Variants in DGKI observed in about 807,000 individuals in gnomAD.
DGKI encodes diacylglycerol kinase iota, also known as DAG kinase iota.
In DGKI, 55 loss-of-function variants were observed where a neutral mutation model predicts 147.5. That is an observed-to-expected ratio of 0.37 (90% CI 0.30 to 0.47). The LOEUF (loss-of-function observed/expected upper bound fraction) is 0.47, where lower values mean the gene tolerates loss of function less well. Among genes scored for constraint, DGKI ranks in the 20% least tolerant of loss-of-function variants. The pLI is 1.00. For synonymous variants in DGKI, 469 were observed against 477.1 expected (o/e 0.98, Z 0.22); for missense variants, 1,007 against 1,323.8 (o/e 0.76, Z 3.71).
At chr7:137,497,780 AG>A (rs1166225888) in intron 21 of DGKI, among the ~76,000 whole-genome samples, 5 of 152,122 alleles carry the variant, frequency 3.3e-5, no homozygotes, top group African/African-American at 9.7e-5. Flanking sequence ...GACACAAAGA[AG>A]GGAACACTAG....
intron 3 of DGKI, among the ~76,000 whole-genome samples, chr7:137,678,141 A>C (rs968724043): frequency 6.6e-6 from 1 of 151,932 alleles, no homozygotes; most frequent in Non-Finnish European, 1.5e-5. Flanking sequence ...CTCTCTTTCC[A>C]CCTTCACCCA....
chr7:137,761,616 C>T (rs572169656), intron 1 of DGKI, among the ~76,000 whole-genome samples: 9 of 152,290 alleles, frequency 5.9e-5, no homozygotes, highest in African/African-American at 2.2e-4. Context: ...GTATTTTCCC[C>T]CTTGGGCTCC....
chr7:137,557,486 A>C (rs1206342462), intron 19 of DGKI, among the ~76,000 whole-genome samples: 3 of 152,218 alleles, frequency 2.0e-5, no homozygotes, highest in Non-Finnish European at 2.9e-5. Context: ...TAATTTAGCC[A>C]AAGAGGCTGG....
chr7:137,397,522 G>A, intron 30 of DGKI, 109 bp from the exon 31 acceptor site: 1 of 1,029,400 alleles, frequency 9.7e-7, no homozygotes, highest in Non-Finnish European at 1.5e-6. Context: ...TAAATTTGGG[G>A]ATAGGAATAA....
chr7:137,664,705 A>G (rs1282343909), intron 3 of DGKI, among the ~76,000 whole-genome samples: 1 of 152,134 alleles, frequency 6.6e-6, no homozygotes, highest in Non-Finnish European at 1.5e-5. Flanking sequence ...AACAGACAGA[A>G]CCAGGGATTA....
chr7:137,436,678 C>T (rs1162573325), intron 28 of DGKI, among the ~76,000 whole-genome samples: 1 of 152,114 alleles, frequency 6.6e-6, no homozygotes, highest in African/African-American at 2.4e-5. Flanking sequence ...CTATGAATAT[C>T]ATATACATAC....
chr7:137,663,994 AC>A (rs527343082), intron 3 of DGKI, among the ~76,000 whole-genome samples: 25 of 152,266 alleles, frequency 1.6e-4, no homozygotes, highest in Non-Finnish European at 2.1e-4. Flanking sequence ...CGGGACATAG[AC>A]ATTCTCGTAA....
intron 1 of DGKI, among the ~76,000 whole-genome samples, chr7:137,758,929 A>C (rs1159044552): frequency 6.6e-6 from 1 of 152,130 alleles, no homozygotes; most frequent in East Asian, 1.9e-4. Context: ...CTATATTCAC[A>C]GATGTTAAAA....
chr7:137,574,138 C>T (rs1216062200), intron 17 of DGKI, among the ~76,000 whole-genome samples: 1 of 152,172 alleles, frequency 6.6e-6, no homozygotes, highest in Non-Finnish European at 1.5e-5. Context: ...TTGTCTCCAG[C>T]ACCTGCATTT....
chr7:137,483,064 A>G (rs761668457), intron 23 of DGKI, among the ~76,000 whole-genome samples: 1 of 152,104 alleles, frequency 6.6e-6, no homozygotes, highest in Non-Finnish European at 1.5e-5. Context: ...ACATAGAAAA[A>G]TATCATTAAT....
At chr7:137,522,779 G>A (rs186302878) in intron 20 of DGKI, among the ~76,000 whole-genome samples, 18 of 152,204 alleles carry the variant, frequency 1.2e-4, no homozygotes, top group Non-Finnish European at 2.2e-4. Context: ...GGCATTAGTT[G>A]AGTGGAATAA....
At chr7:137,820,905 C>T (rs1040915503) in intron 1 of DGKI, among the ~76,000 whole-genome samples, 16 of 152,144 alleles carry the variant, frequency 1.1e-4, no homozygotes, top group Non-Finnish European at 2.2e-4. Flanking sequence ...AGTTTCGGCC[C>T]CTCACCAACC....
chr7:137,822,340 A>T (rs1348267490), intron 1 of DGKI, among the ~76,000 whole-genome samples: 2 of 152,056 alleles, frequency 1.3e-5, no homozygotes, highest in Non-Finnish European at 2.9e-5. Context: ...CCAGGAGGTG[A>T]AGGTTGCAGT....
intron 15 of DGKI, among the ~76,000 whole-genome samples, chr7:137,580,086 CTTGAGCTCA>C (rs956449899): frequency 6.6e-6 from 1 of 152,094 alleles, no homozygotes; most frequent in Admixed American, 6.6e-5. Flanking sequence ...ATGAGACTCA[CTTGAGCTCA>C]TTGAGCTCAT....
Position 137,645,612 on chromosome 7 carries a change from A to C in DGKI, c.739-75T>G. On this transcript the variant is annotated intron_variant, in intron 5 of 32. Transcript: ENST00000614521. ...GACAGGGTCTTGCTCTGTCACCCAC[A>C]CTGGAGTGCAGTGGTATAATCATAG... is the stretch of plus-strand genomic sequence containing the variant. 7 of 1,336,298 alleles carry C rather than the reference A, an allele frequency of 5.2e-6. No homozygotes were observed. The South Asian group carries it at 9.5e-5, about 18-fold the overall frequency. The allele number at this position is 1,336,298 out of a possible 1,614,324, so 82.8% of individuals were successfully genotyped here. A position where few individuals can be genotyped will look rare whatever the true frequency, so the allele number is the denominator to read the frequency against.
At chr7:137,395,864 T>C in intron 31 of DGKI, 167 bp from the exon 32 acceptor site, 1 of 579,372 alleles carries the variant, frequency 1.7e-6, no homozygotes. Context: ...TTTCTAAAAA[T>C]TCCTTGAGCT....
At chr7:137,652,809 T>C (rs1822076094) in intron 5 of DGKI, among the ~76,000 whole-genome samples, 1 of 152,226 alleles carries the variant, frequency 6.6e-6, no homozygotes, top group Non-Finnish European at 1.5e-5. Flanking sequence ...TCTTTTTTCA[T>C]CAACTCTCTT....
chr7:137,501,920 C>T (rs1356293884), intron 21 of DGKI, among the ~76,000 whole-genome samples: 1 of 152,118 alleles, frequency 6.6e-6, no homozygotes, highest in Non-Finnish European at 1.5e-5. Flanking sequence ...ATCATGGGGG[C>T]AGGTCTTTCC....
At chr7:137,636,552 C>A (rs898465549) in intron 6 of DGKI, among the ~76,000 whole-genome samples, 1 of 152,124 alleles carries the variant, frequency 6.6e-6, no homozygotes, top group Non-Finnish European at 1.5e-5. Context: ...CATCTCATTC[C>A]CTCAGTTGAG....
Sources: gnomAD v4.1 joint callset for allele counts (sites outside exome capture counted in the v4.1 genomes callset) on GRCh38, gnomAD v4.1.1 for gene constraint, MANE v1.5 for transcripts, NCBI Gene and HGNC (gene_info 2026-07-23, HGNC 2026-07-21) for gene names.